Variants in PRMT3 observed in about 807,000 individuals in gnomAD.
The protein encoded by PRMT3 is protein arginine N-methyltransferase 3.
Under a neutral mutation model 71.9 loss-of-function variants are expected in PRMT3, and 62 were observed. That is an observed-to-expected ratio of 0.86 (90% confidence interval 0.70 to 1.07). PRMT3 has a LOEUF of 1.07. Ranked by LOEUF, PRMT3 falls within the 50% of genes least tolerant of loss-of-function variation. PRMT3 has a pLI of 0.00. For synonymous variants in PRMT3, 213 were observed against 220.4 expected (o/e 0.97, Z 0.30); for missense variants, 663 against 643.0 (o/e 1.03, Z -0.34).
intron 10 of PRMT3, among the ~76,000 whole-genome samples, chr11:20,432,456 A>C (rs937954605): frequency 6.6e-6 from 1 of 151,886 alleles, no homozygotes; most frequent in African/African-American, 2.4e-5. Flanking sequence ...TGTCCATTCA[A>C]CTCTTAATAG....
chr11:20,467,031 C>T (rs1487886018), intron 13 of PRMT3, among the ~76,000 whole-genome samples: 6 of 152,180 alleles, frequency 3.9e-5, no homozygotes, highest in South Asian at 2.1e-4. Flanking sequence ...CTAAGGTTTG[C>T]GAAGAAGGTG....
rs760829527 is a variant in PRMT3, at chr11:20,494,271, G to A, written c.1486+17G>A. On this transcript the variant is annotated intron_variant, in intron 15 of 15. Coordinates refer to ENST00000331079, the MANE Select transcript of PRMT3 (RefSeq NM_005788.4). Reference sequence around the variant, plus strand: ...TTAAAGCAGGTGAGAAAGAATAGTAGGGGGGAAGTATCTTATTCATTCTGA... The same window carrying A: ...TTAAAGCAGGTGAGAAAGAATAGTAAGGGGGAAGTATCTTATTCATTCTGA... The A allele has an allele frequency of 6.6e-7, 1 of 1,513,578 alleles. No individual in the cohort carries two copies. The highest frequency in any genetic ancestry group is 1.1e-5 in the South Asian group (1 of 87,642). 93.8% of individuals were successfully genotyped at this position (1,513,578 alleles called of 1,614,324 possible).
intron 10 of PRMT3, among the ~76,000 whole-genome samples, chr11:20,446,374 T>G (rs1490354596): frequency 6.6e-6 from 1 of 151,528 alleles, no homozygotes; most frequent in Non-Finnish European, 1.5e-5. Context: ...TTTTAACAAT[T>G]AGTATTCTTC....
chr11:20,424,397 T>G (rs1180493957), intron 9 of PRMT3, among the ~76,000 whole-genome samples: 5 of 152,188 alleles, frequency 3.3e-5, no homozygotes, highest in African/African-American at 1.2e-4. Context: ...CATACATGGT[T>G]GTTTTTGACA....
chr11:20,407,317 G>C (rs950407446), intron 8 of PRMT3: 1 of 151,816 alleles, frequency 6.6e-6, no homozygotes, highest in Non-Finnish European at 1.5e-5. Flanking sequence ...TTCATTTTCT[G>C]CCGTACAGTA....
At chr11:20,432,761 A>G (rs949294466) in intron 10 of PRMT3, among the ~76,000 whole-genome samples, 3 of 152,192 alleles carry the variant, frequency 2.0e-5, no homozygotes, top group African/African-American at 4.8e-5. Flanking sequence ...CTGGCATGAA[A>G]TAATATCACA....
chr11:20,424,139 G>C lies in PRMT3; in HGVS notation c.894-2627G>C, dbSNP rs187157567. Among the ~76,000 whole-genome samples, 648 of 148,696 alleles carry C rather than the reference G, an allele frequency of 4.4e-3. 5 individuals carry two copies. Among genetic ancestry groups the C allele is most frequent in the African/African-American group, 0.016 (631 of 40,130 alleles). On this transcript the variant is annotated intron_variant, in intron 9 of 15. Transcript: ENST00000331079. Reference sequence around the variant, plus strand: ...GTGGAGCTTACAGTGAGCCGAGATCGCGCCACTGCACTCCAGCCTGGGCAA... The same window carrying C: ...GTGGAGCTTACAGTGAGCCGAGATCCCGCCACTGCACTCCAGCCTGGGCAA...
intron 10 of PRMT3, among the ~76,000 whole-genome samples, chr11:20,429,906 T>C (rs546580232): frequency 7.9e-5 from 12 of 152,364 alleles, no homozygotes; most frequent in Admixed American, 7.2e-4. Flanking sequence ...TATGGTATCT[T>C]CTAAATCCTA....
At chr11:20,504,745 A>AGAGAGC (rs1491497481) in intron 15 of PRMT3, among the ~76,000 whole-genome samples, 25 of 141,250 alleles carry the variant, frequency 1.8e-4, no homozygotes, top group African/African-American at 6.0e-4. Context: ...AGAGAGAGAG[A>AGAGAGC]GCGAGAGCGA....
At chr11:20,423,873 T>TAAAAAA (rs58636447) in intron 9 of PRMT3, among the ~76,000 whole-genome samples, 4 of 27,098 alleles carry the variant, frequency 1.5e-4, no homozygotes, top group African/African-American at 4.6e-4. Flanking sequence ...GATTCTCTCT[T>TAAAAAA]AAAAAAAAAA....
chr11:20,499,026 T>TTTA (rs1851398327), intron 15 of PRMT3, among the ~76,000 whole-genome samples: 1 of 152,212 alleles, frequency 6.6e-6, no homozygotes, highest in Non-Finnish European at 1.5e-5. Context: ...TGTGATCACA[T>TTTA]TAAAAAGCTT....
chr11:20,458,105 ATTTTCT>A (rs1850307646), intron 11 of PRMT3, among the ~76,000 whole-genome samples: 1 of 152,034 alleles, frequency 6.6e-6, no homozygotes, highest in Non-Finnish European at 1.5e-5. Flanking sequence ...TTTCTAGTAC[ATTTTCT>A]TTTATGCATA....
At chr11:20,447,688 G>T (rs778891346) in intron 10 of PRMT3, among the ~76,000 whole-genome samples, 1 of 151,796 alleles carries the variant, frequency 6.6e-6, no homozygotes. Context: ...TTCTTTTTAC[G>T]TAACACTTTG....
At chr11:20,448,411 T>C (rs563467354) in intron 10 of PRMT3, among the ~76,000 whole-genome samples, 25 of 152,262 alleles carry the variant, frequency 1.6e-4, no homozygotes, top group African/African-American at 4.8e-4. Flanking sequence ...ATCAACTACT[T>C]ATTATGATTC....
intron 11 of PRMT3, among the ~76,000 whole-genome samples, chr11:20,455,796 A>G (rs1850255624): frequency 6.6e-6 from 1 of 152,000 alleles, no homozygotes; most frequent in Admixed American, 6.5e-5. Context: ...ATGGCATCTC[A>G]TATAATTGAA....
intron 13 of PRMT3, among the ~76,000 whole-genome samples, chr11:20,480,816 T>TCA (rs1850913508): frequency 6.6e-6 from 1 of 152,054 alleles, no homozygotes; most frequent in Non-Finnish European, 1.5e-5. Context: ...CAAGGTTTCT[T>TCA]ACATGTACAA....
intron 11 of PRMT3, among the ~76,000 whole-genome samples, chr11:20,456,913 A>G (rs1850279069): frequency 6.6e-6 from 1 of 151,966 alleles, no homozygotes; most frequent in Non-Finnish European, 1.5e-5. Flanking sequence ...TGTCCCTGTC[A>G]CCCAGGCTGG....
chr11:20,481,880 T>G (rs1343760230), intron 13 of PRMT3, among the ~76,000 whole-genome samples: 1 of 152,166 alleles, frequency 6.6e-6, no homozygotes, highest in Non-Finnish European at 1.5e-5. Context: ...CTGTATTTTT[T>G]TCAACCCATT....
At chr11:20,489,005 C>T (rs747482558) in intron 13 of PRMT3, among the ~76,000 whole-genome samples, 7 of 152,136 alleles carry the variant, frequency 4.6e-5, no homozygotes, top group Non-Finnish European at 1.0e-4. Flanking sequence ...CAACAGAGCT[C>T]CATGCTTGTA....
Sources: allele counts gnomAD v4.1 joint callset (sites outside exome capture counted in the v4.1 genomes callset), GRCh38; gene constraint gnomAD v4.1.1; transcripts MANE v1.5; gene names NCBI Gene and HGNC (gene_info 2026-07-23, HGNC 2026-07-21).